Variants in TBC1D9 observed in about 807,000 individuals in gnomAD.
TBC1D9 encodes the protein TBC1 domain family member 9, also known as TBC1 domain family member 9A.
Under a neutral mutation model 132.0 loss-of-function variants are expected in TBC1D9, and 63 were observed. That is an observed-to-expected ratio of 0.48 (90% CI 0.39 to 0.59). The LOEUF is 0.59. Ranked by LOEUF, TBC1D9 falls within the 20% of genes least tolerant of loss-of-function variation. TBC1D9 has a pLI of 0.00. For synonymous variants in TBC1D9, 610 were observed against 609.9 expected, an observed-to-expected ratio of 1.00 and a Z score of 0.00; for missense variants, 1,261 against 1,592.7, an observed-to-expected ratio of 0.79 and a Z score of 3.54.
At chr4:140,730,552 C>G (rs954558164) in intron 1 of TBC1D9, among the ~76,000 whole-genome samples, 2 of 152,070 alleles carry the variant, frequency 1.3e-5, no homozygotes, top group Non-Finnish European at 2.9e-5. Context: ...CATGGCAAAA[C>G]CCCGTCTGTA....
chr4:140,657,849 C>G (rs1293695123), intron 11 of TBC1D9, 37 bp from the exon 12 acceptor site: 1 of 1,579,232 alleles, frequency 6.3e-7, no homozygotes, highest in African/African-American at 1.4e-5. Context: ...CGCAGCTTAG[C>G]CAACTACACA....
intron 15 of TBC1D9, among the ~76,000 whole-genome samples, chr4:140,634,484 T>C (rs1736846391): frequency 6.6e-6 from 1 of 152,144 alleles, no homozygotes; most frequent in Non-Finnish European, 1.5e-5. Context: ...TCTTCCCCCT[T>C]ACCTACACAC....
intron 17 of TBC1D9, 146 bp from the exon 18 acceptor site, chr4:140,627,673 T>C (rs982646436): frequency 3.4e-6 from 2 of 595,146 alleles, no homozygotes; most frequent in Admixed American, 2.9e-5. Flanking sequence ...CTACTGTCTC[T>C]AAACCTTAGT....
At position 140,643,648 on chromosome 4, in the gene TBC1D9, G is replaced by A. The variant is rs1737048990; in HGVS notation, c.2338-4220C>T. On this transcript the variant is annotated intron_variant, in intron 13 of 20. Coordinates refer to ENST00000442267, the MANE Select transcript of TBC1D9 (RefSeq NM_015130.3). Reference sequence around the variant, plus strand: ...GGAACCGCCACAGGCACCTCCACTGGCTCCTCCTTGGCCTCCACTAGCGTC... The same window carrying A: ...GGAACCGCCACAGGCACCTCCACTGACTCCTCCTTGGCCTCCACTAGCGTC... 3.7e-6 allele frequency: 4 copies of A among 1,073,430 alleles called. No individual in the cohort carries two copies. The East Asian group carries it at 7.8e-5, about 21-fold the overall frequency. 66.5% of individuals were successfully genotyped at this position (1,073,430 alleles called of 1,614,324 possible). A position where few individuals can be genotyped will look rare whatever the true frequency, so the allele number is the denominator to read the frequency against.
intron 13 of TBC1D9, among the ~76,000 whole-genome samples, chr4:140,648,058 T>C (rs563207019): frequency 3.9e-5 from 6 of 152,296 alleles, no homozygotes; most frequent in African/African-American, 1.4e-4. Flanking sequence ...CAGGTGTGGA[T>C]ATAATACCTT....
chr4:140,734,201 C>T (rs1738640547), intron 1 of TBC1D9, among the ~76,000 whole-genome samples: 2 of 152,142 alleles, frequency 1.3e-5, no homozygotes, highest in African/African-American at 4.8e-5. Flanking sequence ...AGTAGCACTT[C>T]ACTGCAACCT....
At chr4:140,751,709 A>G (rs1409132328) in intron 1 of TBC1D9, among the ~76,000 whole-genome samples, 1 of 152,236 alleles carries the variant, frequency 6.6e-6, no homozygotes, top group Non-Finnish European at 1.5e-5. Context: ...GCTTATACCC[A>G]GAACATATTT....
At chr4:140,669,408 GAGTTAAAAACAAA>G (rs1737499970) in intron 8 of TBC1D9, among the ~76,000 whole-genome samples, 1 of 152,132 alleles carries the variant, frequency 6.6e-6, no homozygotes, top group Admixed American at 6.5e-5. Context: ...ACTTAAGCAA[GAGTTAAAAACAAA>G]ACAAGACCAA....
intron 1 of TBC1D9, among the ~76,000 whole-genome samples, chr4:140,724,176 C>T (rs1335354437): frequency 6.6e-6 from 1 of 152,190 alleles, no homozygotes; most frequent in Non-Finnish European, 1.5e-5. Flanking sequence ...CTGATTAATG[C>T]AAGGCCATGG....
chr4:140,645,616 A>T, intron 13 of TBC1D9: 1 of 238,758 alleles, frequency 4.2e-6, no homozygotes, highest in South Asian at 5.1e-5. Context: ...GTCAGACAAC[A>T]CTCTTCCTTT....
intron 3 of TBC1D9, among the ~76,000 whole-genome samples, chr4:140,681,324 C>T (rs924675317): frequency 1.3e-5 from 2 of 152,168 alleles, no homozygotes; most frequent in African/African-American, 2.4e-5. Context: ...TCTTTTCCCC[C>T]CACATGAAGT....
At chr4:140,655,019 G>A (rs1737244019) in intron 13 of TBC1D9, among the ~76,000 whole-genome samples, 1 of 152,040 alleles carries the variant, frequency 6.6e-6, no homozygotes. Context: ...ATACAATTTA[G>A]TAAAATCATG....
intron 1 of TBC1D9, among the ~76,000 whole-genome samples, chr4:140,725,731 C>T (rs376332853): frequency 7.3e-5 from 11 of 151,596 alleles, no homozygotes; most frequent in Non-Finnish European, 7.4e-5. Flanking sequence ...GGGTTGGGCA[C>T]GGCAATTGTT....
At chr4:140,744,952 T>C (rs1738815775) in intron 1 of TBC1D9, among the ~76,000 whole-genome samples, 1 of 151,196 alleles carries the variant, frequency 6.6e-6, no homozygotes, top group African/African-American at 2.4e-5. Context: ...CACTCCTTTC[T>C]ATTCACAACT....
At chr4:140,711,059 T>C (rs1738235675) in intron 1 of TBC1D9, among the ~76,000 whole-genome samples, 1 of 152,202 alleles carries the variant, frequency 6.6e-6, no homozygotes, top group African/African-American at 2.4e-5. Context: ...TCTGCTCTGA[T>C]ACGGACCAGT....
rs774239522 is a variant in TBC1D9 at position 140,657,144 on chromosome 4, G to T, written c.2290C>A (p.Pro764Thr). The T allele has an allele frequency of 4.6e-5, 74 of 1,613,850 alleles. No homozygotes were observed. Among genetic ancestry groups the T allele is most frequent in the Non-Finnish European group, 6.2e-5 (73 of 1,179,876 alleles). ...LHSLLSDDVE[P>T]YPEVDIFRLI... The stretch of plus-strand genomic sequence containing the variant: ...CTAAAGATGTCTACCTCAGGGTAAG[G>T]TTCCACATCATCGCTGAGCAAGGAG... Residue 764 changes from proline to threonine, a missense_variant, in exon 13 of 21, where the codon CCT (proline) becomes ACT (threonine). Pro to Thr is a conservative substitution (Grantham distance 38). Transcript: ENST00000442267.
chr4:140,727,343 C>G (rs1738517383), intron 1 of TBC1D9, among the ~76,000 whole-genome samples: 3 of 152,202 alleles, frequency 2.0e-5, no homozygotes, highest in Admixed American at 2.0e-4. Flanking sequence ...CCTGCATCTA[C>G]TTTCACCTTT....
intron 13 of TBC1D9, chr4:140,644,783 G>T: frequency 2.5e-6 from 1 of 400,188 alleles, no homozygotes; most frequent in South Asian, 2.0e-5. Context: ...GCGGGGCAAA[G>T]GGGCAGCACG....
Position 140,621,944 on chromosome 4 carries a change from T to C in TBC1D9, c.*251A>G. ...TCACTGACAGATTCATCTTTTTGTT[T>C]TTTAGAATTCACGAAATAAACTGTA... On this transcript the variant is annotated 3_prime_UTR_variant, in exon 21 of 21. Transcript: ENST00000442267. 2.4e-6 allele frequency: 1 copy of C among 417,686 alleles called. No individual in the cohort carries two copies. Among genetic ancestry groups the C allele is most frequent in the Non-Finnish European group, 4.1e-6 (1 of 246,616 alleles). 25.9% of individuals were successfully genotyped at this position (417,686 alleles called of 1,614,324 possible).
Sources: gnomAD v4.1 joint callset for allele counts (sites outside exome capture counted in the v4.1 genomes callset) on GRCh38, gnomAD v4.1.1 for gene constraint, MANE v1.5 for transcripts, NCBI Gene and HGNC (gene_info 2026-07-23, HGNC 2026-07-21) for gene names.